ZFAND3: variants seen among roughly 807,000 people sequenced by gnomAD.
The protein encoded by ZFAND3 is zinc finger AN1-type containing 3.
Under a neutral mutation model 29.6 loss-of-function variants are expected in ZFAND3, and 10 were observed. That is an observed-to-expected ratio of 0.34 (90% CI 0.21 to 0.57). The LOEUF (loss-of-function observed/expected upper bound fraction) is 0.57, where lower values mean the gene tolerates loss of function less well. Ranked by LOEUF, ZFAND3 falls within the 20% of genes least tolerant of loss-of-function variation. The pLI, the probability that ZFAND3 is intolerant of heterozygous loss-of-function variation, is 0.86. For missense variants in ZFAND3, 230 were observed against 304.5 expected (o/e 0.76, Z 1.82); for synonymous variants, 128 against 112.6 (o/e 1.14, Z -0.87).
At position 37,926,401 on chromosome 6, in the gene ZFAND3, C is replaced by G. The variant is rs556164057; in HGVS notation, c.72-3558C>G. 2.8e-3 allele frequency among the ~76,000 whole-genome samples: 427 copies of G among 152,262 alleles called. 2 individuals carry two copies. The highest frequency in any genetic ancestry group is 9.7e-3 in the African/African-American group (405 of 41,546). ...CCTCTTCCAGCTTCTGGGGGCTGCCCCAGCATTCCTGGGCTTGTAACCCTG... is the reference window on the plus strand; with the variant it reads ...CCTCTTCCAGCTTCTGGGGGCTGCCGCAGCATTCCTGGGCTTGTAACCCTG... On this transcript the variant is annotated intron_variant, in intron 1 of 5. Transcript: ENST00000287218.
intron 4 of ZFAND3, among the ~76,000 whole-genome samples, chr6:38,098,498 G>A (rs972160049): frequency 6.7e-6 from 1 of 149,110 alleles, no homozygotes; most frequent in African/African-American, 2.5e-5. Context: ...AAACAGTATT[G>A]CCCATCTTTT....
intron 2 of ZFAND3, among the ~76,000 whole-genome samples, chr6:38,059,734 G>A (rs765259267): frequency 8.6e-5 from 13 of 152,038 alleles, no homozygotes; most frequent in Non-Finnish European, 1.3e-4. Flanking sequence ...AAAATTAGCC[G>A]GGTGTGGTGG....
At chr6:38,047,486 A>C (rs1763927246) in intron 2 of ZFAND3, among the ~76,000 whole-genome samples, 1 of 152,126 alleles carries the variant, frequency 6.6e-6, no homozygotes, top group African/African-American at 2.4e-5. Context: ...TAGTTTAATA[A>C]GATTACTCAA....
At position 38,144,210 on chromosome 6, in the gene ZFAND3, TAATATATAATATATA is replaced by T. The variant is rs1766044239; in HGVS notation, c.530-8024_530-8010del. Among the ~76,000 whole-genome samples, 4 of 37,062 alleles carry T rather than the reference TAATATATAATATATA, an allele frequency of 1.1e-4. No individual in the cohort carries two copies. The South Asian group carries it at 1.7e-3, about 15-fold the overall frequency. The allele number at this position is 37,062 out of a possible 152,430, so 24.3% of individuals were successfully genotyped here. The stretch of plus-strand genomic sequence containing the variant: ...ATATATATATATATATATATATATA[TAATATATAATATATA>T]TATATATTTTTTTTTTAATAAGGTT... On this transcript the variant is annotated intron_variant, in intron 5 of 5. Coordinates refer to ENST00000287218, the MANE Select transcript of ZFAND3 (RefSeq NM_021943.3).
chr6:37,896,588 C>CTT (rs1765221472), intron 1 of ZFAND3, among the ~76,000 whole-genome samples: 3 of 113,048 alleles, frequency 2.7e-5, no homozygotes, highest in African/African-American at 7.6e-5. Flanking sequence ...CTCTCTCTTT[C>CTT]TCTTTTTCTT....
chr6:37,941,372 T>C (rs1312622967), intron 2 of ZFAND3, among the ~76,000 whole-genome samples: 1 of 152,222 alleles, frequency 6.6e-6, no homozygotes, highest in Non-Finnish European at 1.5e-5. Flanking sequence ...TGCTCTTTTC[T>C]TTTAGTTCAG....
chr6:37,897,687 T>C lies in ZFAND3; in HGVS notation c.72-32272T>C, dbSNP rs559011567. ...AGTCTTCTAGCCTCTGGTGGAGTTA[T>C]ATTGGTGTGGCATTTTAATTTTAAT... On this transcript the variant is annotated intron_variant, in intron 1 of 5. Transcript: ENST00000287218. Among the ~76,000 whole-genome samples the C allele has an allele frequency of 4.1e-4, 63 of 152,336 alleles. 1 individual carries two copies. The South Asian group carries it at 0.011, about 28-fold the overall frequency.
intron 2 of ZFAND3, among the ~76,000 whole-genome samples, chr6:38,045,337 G>C (rs924502799): frequency 2.0e-5 from 3 of 152,022 alleles, no homozygotes; most frequent in African/African-American, 7.2e-5. Flanking sequence ...GATCCACCCA[G>C]CTCGGCCTTC....
chr6:38,011,799 T>G (rs1167518471), intron 2 of ZFAND3, among the ~76,000 whole-genome samples: 2 of 152,200 alleles, frequency 1.3e-5, no homozygotes, highest in African/African-American at 4.8e-5. Flanking sequence ...TAAATTATTA[T>G]ATCATTTATG....
At chr6:37,881,253 T>C (rs1388298235) in intron 1 of ZFAND3, among the ~76,000 whole-genome samples, 1 of 152,078 alleles carries the variant, frequency 6.6e-6, no homozygotes, top group Non-Finnish European at 1.5e-5. Context: ...TTATTTAATC[T>C]TTTTGTATTT....
At chr6:37,822,521 A>C (rs532618892) in intron 1 of ZFAND3, among the ~76,000 whole-genome samples, 1 of 152,298 alleles carries the variant, frequency 6.6e-6, no homozygotes, top group South Asian at 2.1e-4. Flanking sequence ...GTAAACTTAG[A>C]ATATATTTAA....
chr6:37,996,003 C>T (rs1286547412), intron 2 of ZFAND3, among the ~76,000 whole-genome samples: 2 of 151,904 alleles, frequency 1.3e-5, no homozygotes, highest in African/African-American at 4.8e-5. Context: ...GTGGTGGGTG[C>T]CTGTAATCCC....
rs961528643 is a variant in ZFAND3, at chr6:38,149,012, C to T, written c.530-3223C>T. Among the ~76,000 whole-genome samples the T allele has an allele frequency of 5.9e-5, 9 of 152,108 alleles. No homozygotes were observed. In the South Asian group the frequency reaches 8.3e-4, roughly 14 times the overall value. ...TGCCATATATTCTCATTGCTACCAG[C>T]GCTGCTCCCAAAATCTATCTGCTGT... On this transcript the variant is annotated intron_variant, in intron 5 of 5. Coordinates refer to ENST00000287218, the MANE Select transcript of ZFAND3 (RefSeq NM_021943.3).
At chr6:38,119,609 T>A (rs1204737094) in intron 5 of ZFAND3, among the ~76,000 whole-genome samples, 2 of 152,214 alleles carry the variant, frequency 1.3e-5, no homozygotes, top group Non-Finnish European at 2.9e-5. Context: ...GAACAGAGGA[T>A]GTCATTTTCA....
intron 4 of ZFAND3, among the ~76,000 whole-genome samples, chr6:38,090,184 A>G (rs1217955210): frequency 6.6e-6 from 1 of 152,182 alleles, no homozygotes; most frequent in Non-Finnish European, 1.5e-5. Flanking sequence ...GTTCAACTGT[A>G]TAATTCACTT....
intron 1 of ZFAND3, among the ~76,000 whole-genome samples, chr6:37,846,831 C>A (rs890687842): frequency 2.0e-4 from 30 of 151,850 alleles, no homozygotes; most frequent in African/African-American, 7.3e-4. Flanking sequence ...CCTGCCTTAG[C>A]CTCCCGAGTA....
At chr6:37,829,661 CTG>C (rs1290951869) in intron 1 of ZFAND3, among the ~76,000 whole-genome samples, 6 of 152,182 alleles carry the variant, frequency 3.9e-5, no homozygotes, top group Admixed American at 6.5e-5. Flanking sequence ...CATGTAGTCT[CTG>C]AGGCCTGAGT....
At chr6:37,921,372 G>GTT in intron 1 of ZFAND3, among the ~76,000 whole-genome samples, 1 of 148,900 alleles carries the variant, frequency 6.7e-6, no homozygotes, top group South Asian at 2.1e-4. Context: ...TGCTGGTACT[G>GTT]TTTTTTTTTA....
In ZFAND3 at chr6:38,041,803, TC is replaced by T. The variant is rs372636402; in HGVS notation, c.113-19789del. 4.6e-4 allele frequency among the ~76,000 whole-genome samples: 2 copies of T among 4,374 alleles called. 1 individual carries two copies. Among genetic ancestry groups the T allele is most frequent in the Non-Finnish European group, 2.2e-3 (2 of 912 alleles). The allele number at this position is 4,374 out of a possible 152,430, so 2.9% of individuals were successfully genotyped here. On this transcript the variant is annotated intron_variant, in intron 2 of 5. Transcript: ENST00000287218. ...CTCCTCTTCTTTCTTCTTCTTCTCC[TC>T]TTCTTTCTTCTTCTTCTCCTCCTTT...
Sources: gnomAD v4.1 joint callset for allele counts (sites outside exome capture counted in the v4.1 genomes callset) on GRCh38, gnomAD v4.1.1 for gene constraint, MANE v1.5 for transcripts, NCBI Gene and HGNC (gene_info 2026-07-23, HGNC 2026-07-21) for gene names.